The following RUNDC3B variants were observed in gnomAD, a reference collection of about 807,000 sequenced individuals.
RUNDC3B encodes RUN domain-containing protein 3B.
In RUNDC3B, 33 loss-of-function variants were observed where a neutral mutation model predicts 58.4. That is an observed-to-expected ratio of 0.56 (90% CI 0.43 to 0.75). RUNDC3B has a LOEUF of 0.75. Ranked by LOEUF, RUNDC3B falls within the 30% of genes least tolerant of loss-of-function variation. The probability of loss-of-function intolerance (pLI) is 0.00; values close to 1 mark genes in which losing one functional copy is unlikely to be tolerated. For synonymous variants in RUNDC3B, 193 were observed against 195.2 expected (o/e 0.99, Z 0.10); for missense variants, 501 against 535.7 (o/e 0.94, Z 0.64).
rs561531335 is a variant in RUNDC3B at position 87,644,517 on chromosome 7, G to T, written c.123-6305G>T. On this transcript the variant is annotated intron_variant, in intron 1 of 10. Transcript: ENST00000394654. ...TATTAAAAACATCACTCTTATTAAT[G>T]ACTTTAACCTTTGTGAGCCCTTTTA... 6.6e-5 allele frequency among the ~76,000 whole-genome samples: 10 copies of T among 152,230 alleles called. No individual in the cohort carries two copies. The East Asian group carries it at 1.9e-3, about 29-fold the overall frequency.
At chr7:87,788,703 CTT>C (rs5885597) in intron 8 of RUNDC3B, among the ~76,000 whole-genome samples, 8,489 of 128,248 alleles carry the variant, frequency 0.066, 528 homozygotes, top group African/African-American at 0.19. Context: ...CTTTTCAAAA[CTT>C]TTTTTTTTTT....
intron 8 of RUNDC3B, among the ~76,000 whole-genome samples, chr7:87,805,131 A>T (rs1836368664): frequency 6.6e-6 from 1 of 152,192 alleles, no homozygotes; most frequent in Non-Finnish European, 1.5e-5. Context: ...CAGGAACTGC[A>T]GTAATGTCTC....
At chr7:87,690,244 TGAA>T (rs1374818823) in intron 2 of RUNDC3B, among the ~76,000 whole-genome samples, 3 of 152,264 alleles carry the variant, frequency 2.0e-5, no homozygotes, top group Admixed American at 1.3e-4. Flanking sequence ...TTTAATTTGA[TGAA>T]GAGTATTTTC....
At chr7:87,742,823 G>A (rs773694315) in intron 6 of RUNDC3B, among the ~76,000 whole-genome samples, 4 of 151,944 alleles carry the variant, frequency 2.6e-5, no homozygotes, top group Non-Finnish European at 5.9e-5. Context: ...CGAAAATTTA[G>A]CGAACTAAGG....
At chr7:87,680,923 A>C (rs2130587608) in intron 2 of RUNDC3B, among the ~76,000 whole-genome samples, 1 of 150,936 alleles carries the variant, frequency 6.6e-6, no homozygotes, top group African/African-American at 2.4e-5. Context: ...CAAAAACAAT[A>C]ATTGGTGATA....
rs1384797882 is a variant in RUNDC3B at position 87,720,463 on chromosome 7, A to ATT, written c.458+9808_458+9809insTT. ...TTTTATCCAAAAAATCTACATAGTAACTTACGGCTAAGCAATTTCACTTCC... is the reference window on the plus strand; with the variant it reads ...TTTTATCCAAAAAATCTACATAGTAATTCTTACGGCTAAGCAATTTCACTTCC... On this transcript the variant is annotated intron_variant, in intron 4 of 10. Transcript: ENST00000394654. 7.4e-4 allele frequency among the ~76,000 whole-genome samples: 112 copies of ATT among 152,136 alleles called. No individual in the cohort carries two copies. In the Middle Eastern group the frequency reaches 0.014, roughly 18 times the overall value.
chr7:87,747,530 G>A (rs929482100), intron 6 of RUNDC3B, among the ~76,000 whole-genome samples: 4 of 152,108 alleles, frequency 2.6e-5, no homozygotes, highest in African/African-American at 9.7e-5. Context: ...AGTGGTGGGC[G>A]GGACCCTAGA....
At chr7:87,772,195 A>G (rs1834322277) in intron 7 of RUNDC3B, among the ~76,000 whole-genome samples, 1 of 152,140 alleles carries the variant, frequency 6.6e-6, no homozygotes, top group African/African-American at 2.4e-5. Flanking sequence ...AATATAATTT[A>G]CTTAGTTGTA....
intron 9 of RUNDC3B, among the ~76,000 whole-genome samples, chr7:87,807,787 A>T (rs1836514858): frequency 6.6e-6 from 1 of 152,096 alleles, no homozygotes; most frequent in African/African-American, 2.4e-5. Flanking sequence ...CTATTTTTGA[A>T]TTCTATCATT....
intron 4 of RUNDC3B, among the ~76,000 whole-genome samples, chr7:87,714,697 C>T (rs1449158160): frequency 6.6e-6 from 1 of 151,996 alleles, no homozygotes; most frequent in Non-Finnish European, 1.5e-5. Context: ...TGCCTTAACC[C>T]TAAAGAGGTG....
intron 10 of RUNDC3B, among the ~76,000 whole-genome samples, chr7:87,820,841 C>A (rs1837379735): frequency 6.6e-6 from 1 of 151,820 alleles, no homozygotes; most frequent in Non-Finnish European, 1.5e-5. Context: ...TTCAACAGCC[C>A]TTCATGCTAA....
intron 1 of RUNDC3B, 22 bp downstream of exon 1, chr7:87,628,967 G>C: frequency 7.6e-7 from 1 of 1,307,798 alleles, no homozygotes; most frequent in Admixed American, 3.1e-5. Context: ...CAGGGCGAGG[G>C]GAACCAGCCT....
At chr7:87,653,862 G>A (rs189378911) in intron 2 of RUNDC3B, among the ~76,000 whole-genome samples, 28 of 152,048 alleles carry the variant, frequency 1.8e-4, no homozygotes, top group Admixed American at 1.8e-3. Context: ...TCAGAGCTGA[G>A]TAAAGTGCTT....
intron 4 of RUNDC3B, among the ~76,000 whole-genome samples, chr7:87,710,867 G>A (rs1242885256): frequency 1.3e-5 from 2 of 151,940 alleles, no homozygotes; most frequent in Non-Finnish European, 2.9e-5. Context: ...TACACATTAC[G>A]CCTGGAATAT....
chr7:87,696,979 C>G (rs1828546557), intron 2 of RUNDC3B, among the ~76,000 whole-genome samples: 1 of 152,192 alleles, frequency 6.6e-6, no homozygotes, highest in Admixed American at 6.5e-5. Flanking sequence ...TCCTCCAAAA[C>G]AGGGCTTTTT....
chr7:87,793,075 G>A (rs1008319449), intron 8 of RUNDC3B, among the ~76,000 whole-genome samples: 1 of 152,044 alleles, frequency 6.6e-6, no homozygotes, highest in Non-Finnish European at 1.5e-5. Context: ...ACAACTCTAC[G>A]TCAATAAATT....
At position 87,811,561 on chromosome 7, in the gene RUNDC3B, C is replaced by T. The variant is rs1836717984; in HGVS notation, c.1103+4042C>T. Among the ~76,000 whole-genome samples the T allele has an allele frequency of 2.6e-5, 4 of 152,312 alleles. No individual in the cohort carries two copies. The South Asian group carries it at 8.3e-4, about 32-fold the overall frequency. ...CCATGTTGGCCAGGATGGCCTCGAT[C>T]TCTTGACCTCATGACCCACCCAAAG... On this transcript the variant is annotated intron_variant, in intron 9 of 10. Coordinates refer to ENST00000394654, the MANE Select transcript of RUNDC3B (RefSeq NM_001134405.2).
chr7:87,751,316 T>G (rs920179900), intron 6 of RUNDC3B, among the ~76,000 whole-genome samples: 20 of 152,304 alleles, frequency 1.3e-4, no homozygotes, highest in African/African-American at 4.8e-4. Context: ...GGTAGTGTGA[T>G]GCCTCCAGCT....
intron 2 of RUNDC3B, among the ~76,000 whole-genome samples, chr7:87,653,653 C>G (rs1823800315): frequency 6.6e-6 from 1 of 151,912 alleles, no homozygotes; most frequent in African/African-American, 2.4e-5. Flanking sequence ...CTTTTTTCTG[C>G]TACTTTTTTT....
Sources: allele counts gnomAD v4.1 joint callset (sites outside exome capture counted in the v4.1 genomes callset), GRCh38; gene constraint gnomAD v4.1.1; transcripts MANE v1.5; gene names NCBI Gene and HGNC (gene_info 2026-07-23, HGNC 2026-07-21).